The following PRKAR2A variants were observed in gnomAD, a reference collection of about 807,000 sequenced individuals.
The protein encoded by PRKAR2A is protein kinase cAMP-dependent type II regulatory subunit alpha, also known as cAMP-dependent protein kinase type II-alpha regulatory subunit.
In PRKAR2A, 29 loss-of-function variants were observed where a neutral mutation model predicts 51.9. That is an observed-to-expected ratio of 0.56 (90% CI 0.42 to 0.76). PRKAR2A has a LOEUF of 0.76. PRKAR2A is among the 30% of genes least tolerant of loss of function. The probability of loss-of-function intolerance (pLI) is 0.00; values close to 1 mark genes in which losing one functional copy is unlikely to be tolerated. For synonymous variants in PRKAR2A, 178 were observed against 186.2 expected, an observed-to-expected ratio of 0.96 and a Z score of 0.36; for missense variants, 445 against 512.1, an observed-to-expected ratio of 0.87 and a Z score of 1.26.
chr3:48,799,997 T>TTACAGGCACCTGCCA (rs2082559859), intron 2 of PRKAR2A, among the ~76,000 whole-genome samples: 1 of 151,656 alleles, frequency 6.6e-6, no homozygotes, highest in African/African-American at 2.4e-5. Flanking sequence ...GTAGCTGGGA[T>TTACAGGCACCTGCCA]TACAGGCACC....
At chr3:48,839,180 C>T (rs1039157138) in intron 1 of PRKAR2A, among the ~76,000 whole-genome samples, 4 of 151,798 alleles carry the variant, frequency 2.6e-5, no homozygotes, top group African/African-American at 4.8e-5. Flanking sequence ...CCTGGCTACT[C>T]GGGAGGCTGG....
chr3:48,752,395 G>C, intron 9 of PRKAR2A, 78 bp from the exon 10 acceptor site: 1 of 1,432,546 alleles, frequency 7.0e-7, no homozygotes, highest in Non-Finnish European at 9.5e-7. Flanking sequence ...CACATACACT[G>C]TTCTCAGCAT....
intron 1 of PRKAR2A, among the ~76,000 whole-genome samples, chr3:48,822,009 TTGA>T (rs1048692808): frequency 1.3e-5 from 2 of 150,392 alleles, no homozygotes. Context: ...GGCAGATCAC[TTGA>T]TGTCAGTTCG....
rs150494873 is a variant in PRKAR2A at position 48,779,372 on chromosome 3, G to A, written c.542+3614C>T. On this transcript the variant is annotated intron_variant, in intron 5 of 10. Coordinates refer to ENST00000265563, the MANE Select transcript of PRKAR2A (RefSeq NM_004157.4). Reference sequence around the variant, plus strand: ...CTTTAAGTTGTGGACATGTACAGGTGGATGCTTATTTCCCAGATCATAAGT... The same window carrying A: ...CTTTAAGTTGTGGACATGTACAGGTAGATGCTTATTTCCCAGATCATAAGT... 1.2e-4 allele frequency among the ~76,000 whole-genome samples: 18 copies of A among 152,220 alleles called. No individual in the cohort carries two copies. In the East Asian group the frequency reaches 2.5e-3, roughly 21 times the overall value.
At chr3:48,811,895 T>C (rs1187445233) in intron 1 of PRKAR2A, among the ~76,000 whole-genome samples, 4 of 152,084 alleles carry the variant, frequency 2.6e-5, no homozygotes, top group African/African-American at 9.7e-5. Context: ...ATTCCATTTA[T>C]GTAAAATTCC....
chr3:48,793,923 T>A, intron 3 of PRKAR2A, 74 bp downstream of exon 3: 2 of 1,142,774 alleles, frequency 1.8e-6, no homozygotes, highest in Non-Finnish European at 2.6e-6. Flanking sequence ...GCATGATGAG[T>A]TTTTGGTATG....
chr3:48,774,636 G>A (rs980289621), intron 5 of PRKAR2A, among the ~76,000 whole-genome samples: 2 of 152,002 alleles, frequency 1.3e-5, no homozygotes, highest in Non-Finnish European at 1.5e-5. Context: ...CTATGTCTAC[G>A]ATATCAATGT....
intron 6 of PRKAR2A, among the ~76,000 whole-genome samples, chr3:48,768,154 C>T (rs778243211): frequency 2.0e-5 from 3 of 151,252 alleles, no homozygotes; most frequent in African/African-American, 4.9e-5. Context: ...ATTAGCCAGG[C>T]GTGGTGGCGT....
At chr3:48,768,219 T>C (rs1454360488) in intron 6 of PRKAR2A, among the ~76,000 whole-genome samples, 1 of 151,394 alleles carries the variant, frequency 6.6e-6, no homozygotes, top group African/African-American at 2.4e-5. Context: ...GCTTGAGCCC[T>C]GGGAGGCGAA....
chr3:48,759,529 A>C (rs2081831908), intron 8 of PRKAR2A, among the ~76,000 whole-genome samples: 1 of 152,016 alleles, frequency 6.6e-6, no homozygotes, highest in Non-Finnish European at 1.5e-5. Flanking sequence ...TGGGATTTAC[A>C]GGCACGTGCC....
chr3:48,838,707 G>T (rs187462966), intron 1 of PRKAR2A, among the ~76,000 whole-genome samples: 1 of 151,836 alleles, frequency 6.6e-6, no homozygotes. Flanking sequence ...CGCCAGGCGC[G>T]ATGGCTCATG....
intron 1 of PRKAR2A, among the ~76,000 whole-genome samples, chr3:48,838,467 C>T (rs1368504932): frequency 6.6e-6 from 1 of 151,502 alleles, no homozygotes; most frequent in Non-Finnish European, 1.5e-5. Context: ...ATTAGCTGGG[C>T]ATGGTGGCAC....
chr3:48,821,650 G>A (rs1486431602), intron 1 of PRKAR2A, among the ~76,000 whole-genome samples: 1 of 151,608 alleles, frequency 6.6e-6, no homozygotes, highest in Admixed American at 6.6e-5. Context: ...AGGCACAGTG[G>A]CTCACGCCTG....
At chr3:48,803,827 G>A (rs1401041638) in intron 2 of PRKAR2A, among the ~76,000 whole-genome samples, 1 of 152,136 alleles carries the variant, frequency 6.6e-6, no homozygotes, top group Admixed American at 6.5e-5. Context: ...GGCCAACATG[G>A]TGAAACCTCG....
In PRKAR2A at chr3:48,772,679, C is replaced by T. The variant is rs565980236; in HGVS notation, c.696+276G>A. Among the ~76,000 whole-genome samples the T allele has an allele frequency of 3.3e-5, 5 of 152,004 alleles. No individual in the cohort carries two copies. The East Asian group carries it at 5.8e-4, about 18-fold the overall frequency. Reference sequence around the variant, plus strand: ...TTTTTGAGACGGAGTCTCGCTGTGTCGCCCAGGCTGGAGTACAGTGGCGCG... The same window carrying T: ...TTTTTGAGACGGAGTCTCGCTGTGTTGCCCAGGCTGGAGTACAGTGGCGCG... On this transcript the variant is annotated intron_variant, in intron 6 of 10. Coordinates refer to ENST00000265563, the MANE Select transcript of PRKAR2A (RefSeq NM_004157.4).
chr3:48,809,436 C>CAA (rs575602134), intron 1 of PRKAR2A, among the ~76,000 whole-genome samples: 1 of 146,010 alleles, frequency 6.8e-6, no homozygotes. Context: ...ACTAAAAATA[C>CAA]AAAAAAAAAA....
chr3:48,807,511 A>G, intron 2 of PRKAR2A, 138 bp downstream of exon 2: 2 of 675,556 alleles, frequency 3.0e-6, no homozygotes, highest in Non-Finnish European at 5.0e-6. Flanking sequence ...AAACAGAATA[A>G]AGAAACCATA....
intron 4 of PRKAR2A, among the ~76,000 whole-genome samples, chr3:48,786,511 T>C (rs1259626457): frequency 2.0e-5 from 3 of 148,222 alleles, no homozygotes; most frequent in Non-Finnish European, 4.5e-5. Context: ...TCAAGATAAC[T>C]TGGGGGCCGG....
chr3:48,773,527 G>C (rs575009840), intron 5 of PRKAR2A, among the ~76,000 whole-genome samples: 1 of 151,430 alleles, frequency 6.6e-6, no homozygotes, highest in Admixed American at 6.6e-5. Flanking sequence ...TGTATTTTTA[G>C]ACAGGGTTTC....
Sources: gnomAD v4.1 joint callset for allele counts (sites outside exome capture counted in the v4.1 genomes callset) on GRCh38, gnomAD v4.1.1 for gene constraint, MANE v1.5 for transcripts, NCBI Gene and HGNC (gene_info 2026-07-23, HGNC 2026-07-21) for gene names.